Variants in MEIKIN observed in about 807,000 individuals in gnomAD.
The protein encoded by MEIKIN is meiosis-specific kinetochore protein.
chr5:131,907,558 A>C (rs1187794996), intron 8 of MEIKIN, among the ~76,000 whole-genome samples: 1 of 150,464 alleles, frequency 6.6e-6, no homozygotes, highest in Non-Finnish European at 1.5e-5. Context: ...TATGCAATCT[A>C]GTATGACTGA....
chr5:131,925,125 G>A (rs2149649252), intron 5 of MEIKIN, among the ~76,000 whole-genome samples: 1 of 152,172 alleles, frequency 6.6e-6, no homozygotes, highest in African/African-American at 2.4e-5. Context: ...AAGATAAGTT[G>A]GCCATATATG....
At chr5:131,875,993 T>C (rs998924478) in intron 9 of MEIKIN, among the ~76,000 whole-genome samples, 4 of 152,154 alleles carry the variant, frequency 2.6e-5, no homozygotes, top group African/African-American at 4.8e-5. Flanking sequence ...CAAAAATTAA[T>C]TCAAGATGGA....
intron 12 of MEIKIN, among the ~76,000 whole-genome samples, chr5:131,815,988 T>C (rs1773093513): frequency 6.6e-6 from 1 of 152,232 alleles, no homozygotes; most frequent in Non-Finnish European, 1.5e-5. Context: ...CCCTTTATCA[T>C]ATGATGTACA....
intron 11 of MEIKIN, among the ~76,000 whole-genome samples, chr5:131,842,845 A>C (rs1474494171): frequency 6.6e-6 from 1 of 152,210 alleles, no homozygotes. Flanking sequence ...TCTTTAACAA[A>C]TGATGGTAGC....
intron 4 of MEIKIN, among the ~76,000 whole-genome samples, chr5:131,938,673 A>G (rs1475406278): frequency 1.3e-5 from 2 of 152,132 alleles, no homozygotes; most frequent in East Asian, 3.8e-4. Flanking sequence ...TGTTCTGAAC[A>G]CTTTTTACAA....
At chr5:131,937,950 G>T (rs1227743644) in intron 4 of MEIKIN, among the ~76,000 whole-genome samples, 1 of 151,782 alleles carries the variant, frequency 6.6e-6, no homozygotes, top group Non-Finnish European at 1.5e-5. Flanking sequence ...AATCTGAATG[G>T]CTCTTTCAGT....
chr5:131,890,163 CT>C lies in MEIKIN; in HGVS notation c.704-11116del, dbSNP rs763116574. Among the ~76,000 whole-genome samples the C allele has an allele frequency of 3.2e-4, 49 of 152,152 alleles. No homozygotes were observed. The East Asian group carries it at 7.7e-3, about 24-fold the overall frequency. ...GAAGGATATTGGTCTAAAATTCTCT[CT>C]TTTTGTTGTGTCTCTGCCAGGCTTT... On this transcript the variant is annotated intron_variant, in intron 8 of 12. Transcript: ENST00000442687.
At position 131,879,045 on chromosome 5, in the gene MEIKIN, T is replaced by A; in HGVS notation, c.707A>T (p.Asn236Ile). ...AGCAAGTAAAATCTCACAAGCTGCA[T>A]TATCTATAAATAAAAACATAGTTCA... ...AKCASNSESD[N>I]AACEILLAEK... The change falls in exon 9 of 13, where the codon AAT becomes ATT. Residue 236 changes from asparagine to isoleucine, a missense_variant. By Grantham distance (149) the Asn-to-Ile change is moderately radical. Transcript: ENST00000442687. 2.5e-6 allele frequency: 1 copy of A among 398,620 alleles called. No homozygotes were observed. The highest frequency in any genetic ancestry group is 4.4e-6 in the Non-Finnish European group (1 of 225,866). 24.7% of individuals were successfully genotyped at this position (398,620 alleles called of 1,614,324 possible).
chr5:131,816,319 G>A (rs1374097394), intron 12 of MEIKIN, among the ~76,000 whole-genome samples: 8 of 152,210 alleles, frequency 5.3e-5, no homozygotes, highest in Non-Finnish European at 1.2e-4. Flanking sequence ...AAGCGTTGCT[G>A]TGAAGGTATT....
At chr5:131,912,783 C>A (rs2149644074) in intron 7 of MEIKIN, among the ~76,000 whole-genome samples, 1 of 152,230 alleles carries the variant, frequency 6.6e-6, no homozygotes, top group Non-Finnish European at 1.5e-5. Flanking sequence ...ACAAAAAGTT[C>A]AGTGTAATAT....
intron 10 of MEIKIN, among the ~76,000 whole-genome samples, chr5:131,853,302 G>A (rs1260540593): frequency 6.6e-6 from 1 of 152,168 alleles, no homozygotes; most frequent in South Asian, 2.1e-4. Flanking sequence ...ATGCATAAGT[G>A]CTGTTACAAA....
chr5:131,830,272 C>T (rs1164503949), intron 11 of MEIKIN, among the ~76,000 whole-genome samples: 1 of 152,136 alleles, frequency 6.6e-6, no homozygotes, highest in Non-Finnish European at 1.5e-5. Context: ...TGACACATGC[C>T]TGTAGTCCCA....
intron 7 of MEIKIN, among the ~76,000 whole-genome samples, chr5:131,914,365 C>CA (rs1751377911): frequency 9.1e-6 from 1 of 110,192 alleles, no homozygotes. Flanking sequence ...GCCTGGGCAA[C>CA]AGAGTAAGAC....
intron 7 of MEIKIN, among the ~76,000 whole-genome samples, chr5:131,915,808 A>T (rs1751407269): frequency 6.6e-6 from 1 of 152,222 alleles, no homozygotes; most frequent in Admixed American, 6.5e-5. Flanking sequence ...TATTTAAAAA[A>T]AAAAATAAAT....
At chr5:131,921,345 C>CAAAA in intron 6 of MEIKIN, among the ~76,000 whole-genome samples, 1 of 151,884 alleles carries the variant, frequency 6.6e-6, no homozygotes, top group East Asian at 1.9e-4. Flanking sequence ...GACTCCATCT[C>CAAAA]TAGAAAAAAT....
At chr5:131,875,904 C>T (rs1580885089) in intron 9 of MEIKIN, among the ~76,000 whole-genome samples, 1 of 152,264 alleles carries the variant, frequency 6.6e-6, no homozygotes, top group South Asian at 2.1e-4. Flanking sequence ...AAAGGATTCG[C>T]TATTTAATAA....
intron 8 of MEIKIN, among the ~76,000 whole-genome samples, chr5:131,907,728 C>T (rs1004024550): frequency 2.0e-5 from 3 of 151,524 alleles, no homozygotes; most frequent in East Asian, 1.9e-4. Context: ...AAAAATTAGC[C>T]GGGCGTGGTG....
intron 4 of MEIKIN, among the ~76,000 whole-genome samples, 160 bp from the exon 5 acceptor site, chr5:131,933,801 CTA>C (rs1312830823): frequency 6.6e-6 from 1 of 152,080 alleles, no homozygotes; most frequent in Non-Finnish European, 1.5e-5. Context: ...ATATTTTAAA[CTA>C]TTTTAATTTG....
intron 12 of MEIKIN, among the ~76,000 whole-genome samples, chr5:131,816,681 G>A (rs141790350): frequency 2.6e-5 from 4 of 151,984 alleles, no homozygotes; most frequent in African/African-American, 9.7e-5. Context: ...TATAAAATTG[G>A]CTTTTTCTTT....
Sources: gnomAD v4.1 joint callset for allele counts (sites outside exome capture counted in the v4.1 genomes callset) on GRCh38, gnomAD v4.1.1 for gene constraint, MANE v1.5 for transcripts, NCBI Gene and HGNC (gene_info 2026-07-23, HGNC 2026-07-21) for gene names.